The following TNFRSF11A variants were observed in gnomAD, a reference collection of about 807,000 sequenced individuals.
TNFRSF11A encodes TNF receptor superfamily member 11a.
TNFRSF11A carries 32 observed loss-of-function variants against 55.7 expected under a neutral mutation model. The observed-to-expected ratio is 0.57, with a 90% CI of 0.43 to 0.77. The LOEUF is 0.77. Ranked by LOEUF, TNFRSF11A falls within the 30% of genes least tolerant of loss-of-function variation. The pLI, the probability that TNFRSF11A is intolerant of heterozygous loss-of-function variation, is 0.00. For missense variants in TNFRSF11A, 753 were observed against 809.8 expected (o/e 0.93, Z 0.85); for synonymous variants, 311 against 331.0 (o/e 0.94, Z 0.65).
At chr18:62,326,406 G>C (rs958681048) in intron 1 of TNFRSF11A, among the ~76,000 whole-genome samples, 1 of 152,226 alleles carries the variant, frequency 6.6e-6, no homozygotes, top group Admixed American at 6.5e-5. Context: ...TTCTAGGGAA[G>C]ATTCATTCCC....
intron 9 of TNFRSF11A, among the ~76,000 whole-genome samples, chr18:62,379,856 TACA>T (rs1911145201): frequency 6.6e-6 from 1 of 152,264 alleles, no homozygotes; most frequent in African/African-American, 2.4e-5. Context: ...GGAGAGCTTC[TACA>T]ACTCAGTTTT....
Position 62,369,115 on chromosome 18 carries a change from G to A in TNFRSF11A, c.1198G>A (p.Glu400Lys), listed in dbSNP as rs1412294413. The change falls in exon 9 of 10, where the codon GAA becomes AAA. Residue 400 changes from glutamate (E) to lysine (K), a missense_variant. Physicochemically the swap from Glu to Lys is moderately conservative, Grantham distance 56. Coordinates refer to ENST00000586569, the MANE Select transcript of TNFRSF11A (RefSeq NM_003839.4). ...GGGGACACAGAGCACAGTGGGTTCA[G>A]AAAGCTGCAACTGCACTGAGCCCCT... ...FTGTQSTVGS[E>K]SCNCTEPLCR... 3.1e-6 allele frequency: 5 copies of A among 1,614,082 alleles called. No individual in the cohort carries two copies. In the East Asian group the frequency reaches 1.1e-4, roughly 36 times the overall value.
chr18:62,376,487 G>A (rs1227816564), intron 9 of TNFRSF11A, among the ~76,000 whole-genome samples: 6 of 152,018 alleles, frequency 3.9e-5, no homozygotes, highest in Admixed American at 3.9e-4. Context: ...AGCAGTTTTA[G>A]CTTCATAGGA....
rs570892241 is a variant in TNFRSF11A, at chr18:62,326,948, CA to C, written c.75+1525del. Among the ~76,000 whole-genome samples the C allele has an allele frequency of 5.6e-3, 852 of 152,208 alleles. 5 individuals are homozygous for C. The highest frequency in any genetic ancestry group is 9.4e-3 in the Non-Finnish European group (638 of 68,020). Reference sequence around the variant, plus strand: ...TACATACATAGGCACAGGACTCCTACAAAATAAGAGACTTGAGGAAGGGTCA... The same window carrying C: ...TACATACATAGGCACAGGACTCCTACAAATAAGAGACTTGAGGAAGGGTCA... On this transcript the variant is annotated intron_variant, in intron 1 of 9. Coordinates refer to ENST00000586569, the MANE Select transcript of TNFRSF11A (RefSeq NM_003839.4).
chr18:62,371,202 G>C (rs1403012224), intron 9 of TNFRSF11A, among the ~76,000 whole-genome samples: 1 of 152,196 alleles, frequency 6.6e-6, no homozygotes, highest in African/African-American at 2.4e-5. Context: ...TGGGCTGTGG[G>C]GAGCGAGAAA....
chr18:62,366,857 C>G, intron 8 of TNFRSF11A, 97 bp downstream of exon 8: 1 of 1,307,294 alleles, frequency 7.6e-7, no homozygotes, highest in Non-Finnish European at 1.1e-6. Flanking sequence ...CCCCCACCCC[C>G]ACTTTTTTTG....
chr18:62,330,620 C>T lies in TNFRSF11A; in HGVS notation c.75+5193C>T, dbSNP rs139664578. Among the ~76,000 whole-genome samples, 157 of 151,706 alleles carry T rather than the reference C, an allele frequency of 1.0e-3. 1 individual carries two copies. The highest frequency in any genetic ancestry group is 3.5e-3 in the African/African-American group (146 of 41,320). On this transcript the variant is annotated intron_variant, in intron 1 of 9. Coordinates refer to ENST00000586569, the MANE Select transcript of TNFRSF11A (RefSeq NM_003839.4). ...GTATTAGGGGAAGAGTGTCCAGGGG[C>T]GGGCCGGAGGGGGCCAGTAAGGAGC... is the stretch of plus-strand genomic sequence containing the variant.
At chr18:62,330,271 A>G (rs1179786117) in intron 1 of TNFRSF11A, among the ~76,000 whole-genome samples, 1 of 152,204 alleles carries the variant, frequency 6.6e-6, no homozygotes, top group Non-Finnish European at 1.5e-5. Flanking sequence ...CAGGATAAGG[A>G]GTGCCTTCAC....
At chr18:62,382,107 CTTTTTTTT>C (rs574488222) in intron 9 of TNFRSF11A, among the ~76,000 whole-genome samples, 2 of 89,466 alleles carry the variant, frequency 2.2e-5, no homozygotes, top group East Asian at 4.8e-4. Flanking sequence ...TTCCTGAGTC[CTTTTTTTT>C]TTTTTTTTTT....
In TNFRSF11A at chr18:62,325,380, C is replaced by CGGG; in HGVS notation, c.28_29insGGG (p.Pro10delinsArgAla). 9.2e-7 allele frequency: 1 copy of CGGG among 1,084,474 alleles called. No homozygotes were observed. The highest frequency in any genetic ancestry group is 5.0e-5 in the Admixed American group (1 of 20,142). 67.2% of individuals were successfully genotyped at this position (1,084,474 alleles called of 1,614,324 possible). Reference sequence around the variant, plus strand: ...GGCCCCGCGCGCCCGGCGGCGCCGCCCGCTGTTCGCGCTGCTGCTGCTCTG... The same window carrying CGGG: ...GGCCCCGCGCGCCCGGCGGCGCCGCCGGGCGCTGTTCGCGCTGCTGCTGCTCTG... On this transcript the variant is annotated protein_altering_variant, in exon 1 of 10. Transcript: ENST00000586569. This position sits in a 1 kb window ranked among gnomAD's most constrained non-coding sequence, Gnocchi z 4.7.
In TNFRSF11A at chr18:62,389,725, G is replaced by T. The variant is rs1911922393; in HGVS notation, c.*4691G>T. 6.6e-6 allele frequency: 1 copy of T among 152,136 alleles called. No individual in the cohort carries two copies. Among genetic ancestry groups the T allele is most frequent in the Non-Finnish European group, 1.5e-5 (1 of 68,034 alleles). The allele number at this position is 152,136 out of a possible 1,614,324, so 9.4% of individuals were successfully genotyped here. A position where few individuals can be genotyped will look rare whatever the true frequency, so the allele number is the denominator to read the frequency against. On this transcript the variant is annotated 3_prime_UTR_variant, in exon 10 of 10. Coordinates refer to ENST00000586569, the MANE Select transcript of TNFRSF11A (RefSeq NM_003839.4). ...ATTCATAAAACTGGCATACAGGAAT[G>T]TTTTAAAAAAATCTTTAAGATTACC...
intron 9 of TNFRSF11A, among the ~76,000 whole-genome samples, chr18:62,371,090 A>G (rs551631500): frequency 6.6e-6 from 1 of 152,314 alleles, no homozygotes; most frequent in East Asian, 1.9e-4. Context: ...TCAGTCTCCC[A>G]AAGTGCTGGG....
chr18:62,368,139 G>C (rs1160297360), intron 8 of TNFRSF11A, among the ~76,000 whole-genome samples: 3 of 152,118 alleles, frequency 2.0e-5, no homozygotes, highest in Non-Finnish European at 4.4e-5. Flanking sequence ...GAAAGCATAA[G>C]CTCAAACTGA....
chr18:62,329,195 G>A (rs186865109), intron 1 of TNFRSF11A, among the ~76,000 whole-genome samples: 4 of 152,162 alleles, frequency 2.6e-5, no homozygotes, highest in African/African-American at 4.8e-5. Flanking sequence ...CCATTTTTTG[G>A]TTTGTTTTTT....
At chr18:62,352,541 T>C (rs2046488776) in intron 3 of TNFRSF11A, among the ~76,000 whole-genome samples, 1 of 152,226 alleles carries the variant, frequency 6.6e-6, no homozygotes. Flanking sequence ...AAAGATTCAT[T>C]CTGTCTACTG....
chr18:62,331,347 T>C (rs1162674500), intron 1 of TNFRSF11A, among the ~76,000 whole-genome samples: 1 of 152,254 alleles, frequency 6.6e-6, no homozygotes, highest in Non-Finnish European at 1.5e-5. Context: ...AATGTTGTTC[T>C]GGTTCAAGTG....
chr18:62,358,284 T>G lies in TNFRSF11A; in HGVS notation c.464T>G (p.Leu155Arg), dbSNP rs748333316. Residue 155 changes from leucine (L) to arginine (R), a missense_variant, in exon 5 of 10, where the codon CTT (leucine) becomes CGT (arginine). Around this residue, in one of 3 missense-constraint regions of TNFRSF11A, gnomAD observed 30 missense variants for 58.0 expected, o/e 0.52. Transcript: ENST00000586569. The part of the protein sequence containing the change: ...LNKDTVCKPC[L>R]AGYFSDAFSS... ...AAGGACACAGTGTGCAAACCTTGCC[T>G]TGCAGGCTACTTCTCTGATGCCTTT... 3 of 1,607,302 alleles carry G rather than the reference T, an allele frequency of 1.9e-6. No homozygotes were observed. In the African/African-American group the frequency reaches 4.0e-5, roughly 22 times the overall value.
At chr18:62,379,192 G>A (rs1214698878) in intron 9 of TNFRSF11A, among the ~76,000 whole-genome samples, 1 of 152,218 alleles carries the variant, frequency 6.6e-6, no homozygotes, top group Non-Finnish European at 1.5e-5. Flanking sequence ...TCTGTATGGA[G>A]AGTGTTGCTT....
intron 3 of TNFRSF11A, among the ~76,000 whole-genome samples, chr18:62,350,832 T>G (rs1218008368): frequency 6.6e-6 from 1 of 152,170 alleles, no homozygotes; most frequent in African/African-American, 2.4e-5. Context: ...TTAATTCTCT[T>G]AAGAAACAGA....
Sources: allele counts gnomAD v4.1 joint callset (sites outside exome capture counted in the v4.1 genomes callset), GRCh38; gene constraint gnomAD v4.1.1; regional missense constraint gnomAD v4.1.1; non-coding constraint Gnocchi (gnomAD v3.1); transcripts MANE v1.5; gene names NCBI Gene and HGNC (gene_info 2026-07-23, HGNC 2026-07-21).